RABGEF1: variants seen among roughly 807,000 people sequenced by gnomAD.
RABGEF1 encodes rab5 GDP/GTP exchange factor.
A neutral mutation model predicts 57.3 loss-of-function variants in RABGEF1; 26 were observed. The ratio of observed to expected loss-of-function variants is 0.45; its 90% CI spans 0.33 to 0.63. The LOEUF (loss-of-function observed/expected upper bound fraction) is 0.63, where lower values mean the gene tolerates loss of function less well. RABGEF1 is among the 20% of genes least tolerant of loss of function. The pLI is 0.02. For missense variants in RABGEF1, 464 were observed against 607.6 expected (o/e 0.76, Z 2.48); for synonymous variants, 185 against 210.7 (o/e 0.88, Z 1.06).
chr7:66,665,808 G>T, the RABGEF1 span, among the ~76,000 whole-genome samples: 1 of 152,178 alleles, frequency 6.6e-6, no homozygotes. Flanking sequence ...CCCTTGGCTG[G>T]CTCAGTATGG....
intron 1 of RABGEF1, among the ~76,000 whole-genome samples, chr7:66,741,795 G>T (rs1424949271): frequency 6.6e-6 from 1 of 152,114 alleles, no homozygotes; most frequent in Non-Finnish European, 1.5e-5. Context: ...GCCTCCCAGA[G>T]TGTTGGGATT....
chr7:66,800,197 C>T lies in RABGEF1; in HGVS notation c.820+783C>T, dbSNP rs561443036. 5.3e-5 allele frequency among the ~76,000 whole-genome samples: 8 copies of T among 152,186 alleles called. No homozygotes were observed. In the South Asian group the frequency reaches 6.2e-4, roughly 12 times the overall value. The stretch of plus-strand genomic sequence containing the variant: ...TTGGAGGCTGGCCATCGAGTAGGCT[C>T]CTTTTGTTACAGGAACCAGAGACTC... On this transcript the variant is annotated intron_variant, in intron 7 of 8. Coordinates refer to ENST00000284957, the MANE Select transcript of RABGEF1 (RefSeq NM_014504.3).
intron 8 of RABGEF1, 81 bp downstream of exon 8, chr7:66,805,477 G>A (rs1296023976): frequency 9.1e-5 from 142 of 1,566,866 alleles, no homozygotes; most frequent in Admixed American, 2.6e-4. Context: ...ACTTAGGCCC[G>A]TGACAGGTGA....
intron 2 of RABGEF1, chr7:66,773,605 C>G (rs1807753652): frequency 2.2e-6 from 1 of 448,410 alleles, no homozygotes; most frequent in African/African-American, 2.0e-5. Context: ...TGATGCTGCG[C>G]TGCTGTCTGG....
intron 1 of RABGEF1, among the ~76,000 whole-genome samples, chr7:66,686,735 A>G (rs1372083311): frequency 6.6e-6 from 1 of 152,188 alleles, no homozygotes. Flanking sequence ...TGCTGTTTTC[A>G]AGTTTCCTGT....
intron 1 of RABGEF1, among the ~76,000 whole-genome samples, chr7:66,756,261 C>CA (rs1443515954): frequency 6.6e-6 from 1 of 152,044 alleles, no homozygotes; most frequent in East Asian, 1.9e-4. Flanking sequence ...GTCAGATTGA[C>CA]AAAAAATTAA....
At chr7:66,692,311 C>G (rs1791641776) in intron 1 of RABGEF1, among the ~76,000 whole-genome samples, 1 of 152,146 alleles carries the variant, frequency 6.6e-6, no homozygotes, top group Non-Finnish European at 1.5e-5. Context: ...GCTTTTTTTC[C>G]TTTCCCTGCC....
intron 1 of RABGEF1, among the ~76,000 whole-genome samples, chr7:66,688,256 C>A (rs1009270269): frequency 6.6e-6 from 1 of 152,058 alleles, no homozygotes; most frequent in African/African-American, 2.4e-5. Flanking sequence ...CACCTAACAA[C>A]AGAGCACCAA....
intron 2 of RABGEF1, among the ~76,000 whole-genome samples, chr7:66,730,628 G>A (rs1797211284): frequency 1.3e-5 from 2 of 149,074 alleles, no homozygotes; most frequent in South Asian, 4.2e-4. Flanking sequence ...GTACAGTCTC[G>A]GCTCACTGCA....
intron 1 of RABGEF1, chr7:66,756,164 C>T: frequency 1.3e-6 from 1 of 796,898 alleles, no homozygotes; most frequent in Non-Finnish European, 1.9e-6. Flanking sequence ...ATCAGTTATT[C>T]AAAGAAAATA....
At chr7:66,805,478 T>G in intron 8 of RABGEF1, 82 bp downstream of exon 8, 1 of 1,568,286 alleles carries the variant, frequency 6.4e-7, no homozygotes. Context: ...CTTAGGCCCG[T>G]GACAGGTGAA....
chr7:66,749,669 A>G (rs1800972835), intron 1 of RABGEF1, among the ~76,000 whole-genome samples: 1 of 152,104 alleles, frequency 6.6e-6, no homozygotes, highest in African/African-American at 2.4e-5. Context: ...GCAAGACTCC[A>G]TCTCTAAAAA....
At position 66,805,349 on chromosome 7, in the gene RABGEF1, C is replaced by G; in HGVS notation, c.1030C>G (p.Pro344Ala). 6.2e-7 allele frequency: 1 copy of G among 1,614,218 alleles called. No homozygotes were observed. The highest frequency in any genetic ancestry group is 8.5e-7 in the Non-Finnish European group (1 of 1,180,046). The change falls in exon 8 of 9, where the codon CCA (proline) becomes GCA (alanine). Residue 344 changes from proline to alanine, a missense_variant. Physicochemically the swap from Pro to Ala is conservative, Grantham distance 27. Transcript: ENST00000284957. The stretch of plus-strand genomic sequence containing the variant: ...CCAGTATATCACGCGCTTCTGCAAT[C>G]CAAGCCGACTGATGACTGGAGAGGA... Reference protein sequence around the residue: ...NIQYITRFCNPSRLMTGEDGY... With the variant: ...NIQYITRFCNASRLMTGEDGY...
intron 2 of RABGEF1, among the ~76,000 whole-genome samples, chr7:66,734,503 C>T (rs2117692865): frequency 6.6e-6 from 1 of 151,986 alleles, no homozygotes; most frequent in South Asian, 2.1e-4. Context: ...GCTATGTTGG[C>T]CAGGCTGGTC....
intron 1 of RABGEF1, among the ~76,000 whole-genome samples, chr7:66,700,192 C>T (rs776682330): frequency 2.6e-5 from 4 of 152,236 alleles, no homozygotes; most frequent in Non-Finnish European, 5.9e-5. Context: ...GATCCAAGCA[C>T]TGAGATCTCT....
chr7:66,719,251 C>T (rs866471811), intron 2 of RABGEF1, among the ~76,000 whole-genome samples: 33 of 152,326 alleles, frequency 2.2e-4, no homozygotes, highest in Middle Eastern at 3.4e-3. Context: ...GGCCTCCTTT[C>T]GCAGTCTGAA....
At chr7:66,772,837 A>G (rs1172039515) in intron 2 of RABGEF1, among the ~76,000 whole-genome samples, 1 of 151,684 alleles carries the variant, frequency 6.6e-6, no homozygotes, top group Admixed American at 6.6e-5. Context: ...GCTTGAACCC[A>G]GGTATCGGAG....
rs558031474 is a variant in RABGEF1, at chr7:66,775,507, T to C, written c.346+114T>C. On this transcript the variant is annotated intron_variant, in intron 3 of 8. Coordinates refer to ENST00000284957, the MANE Select transcript of RABGEF1 (RefSeq NM_014504.3). The stretch of plus-strand genomic sequence containing the variant: ...CTGTCAACTTTTTGAGAACATCAGC[T>C]CAGATTTGACACTGAAATTGGGCTT... 2.4e-5 allele frequency: 31 copies of C among 1,295,328 alleles called. 1 individual carries two copies. The South Asian group carries it at 4.2e-4, about 18-fold the overall frequency. The allele number at this position is 1,295,328 out of a possible 1,614,324, so 80.2% of individuals were successfully genotyped here. A position where few individuals can be genotyped will look rare whatever the true frequency, so the allele number is the denominator to read the frequency against.
intron 1 of RABGEF1, among the ~76,000 whole-genome samples, chr7:66,709,848 T>A (rs1794572030): frequency 6.6e-6 from 1 of 152,172 alleles, no homozygotes; most frequent in African/African-American, 2.4e-5. Context: ...GATGTCTAAG[T>A]GTCATGTACA....
Sources: allele counts gnomAD v4.1 joint callset (sites outside exome capture counted in the v4.1 genomes callset), GRCh38; gene constraint gnomAD v4.1.1; transcripts MANE v1.5; gene names NCBI Gene and HGNC (gene_info 2026-07-23, HGNC 2026-07-21).